The following THSD4 variants were observed in gnomAD, a reference collection of about 807,000 sequenced individuals.
The protein encoded by THSD4 is thrombospondin type-1 domain-containing protein 4.
A neutral mutation model predicts 119.0 loss-of-function variants in THSD4; 69 were observed. That is an observed-to-expected ratio of 0.58 (90% CI 0.48 to 0.71). THSD4 has a LOEUF of 0.71. THSD4 is among the 30% of genes least tolerant of loss of function. The pLI is 0.00. For missense variants in THSD4, 1,393 were observed against 1,391.1 expected (o/e 1.00, Z -0.02); for synonymous variants, 524 against 540.4 (o/e 0.97, Z 0.42).
chr15:71,552,200 G>A lies in THSD4; in HGVS notation c.1153-108330G>A, dbSNP rs573994351. 4.6e-5 allele frequency among the ~76,000 whole-genome samples: 7 copies of A among 152,288 alleles called. No individual in the cohort carries two copies. In the South Asian group the frequency reaches 6.2e-4, roughly 14 times the overall value. ...TGGCGGGAAATTTGTCAGTCAGCTCGATCCTGAGAACTGGAGTTTTTCTCT... is the reference window on the plus strand; with the variant it reads ...TGGCGGGAAATTTGTCAGTCAGCTCAATCCTGAGAACTGGAGTTTTTCTCT... On this transcript the variant is annotated intron_variant, in intron 7 of 17. Transcript: ENST00000261862.
chr15:71,367,382 T>C (rs867182101), intron 6 of THSD4, among the ~76,000 whole-genome samples: 1 of 152,242 alleles, frequency 6.6e-6, no homozygotes, highest in Admixed American at 6.5e-5. Flanking sequence ...CATGGTGGTG[T>C]GCTGCGCACA....
intron 6 of THSD4, among the ~76,000 whole-genome samples, chr15:71,287,071 G>A (rs1054325768): frequency 3.3e-5 from 5 of 152,056 alleles, no homozygotes; most frequent in African/African-American, 1.2e-4. Flanking sequence ...ACATTCCTAT[G>A]AGTAAACATA....
At chr15:71,370,218 C>A (rs2046025306) in intron 6 of THSD4, among the ~76,000 whole-genome samples, 1 of 151,968 alleles carries the variant, frequency 6.6e-6, no homozygotes, top group Non-Finnish European at 1.5e-5. Context: ...TTTTGTTGAT[C>A]TTTTCAAAAA....
rs1485377470 is a variant in THSD4, at chr15:71,781,606, G to A, written c.*4232G>A. 1 of 152,334 alleles carries A rather than the reference G, an allele frequency of 6.6e-6. No homozygotes were observed. The highest frequency in any genetic ancestry group is 2.4e-5 in the African/African-American group (1 of 41,438). 9.4% of individuals were successfully genotyped at this position (152,334 alleles called of 1,614,324 possible). ...ACCCTCAGGCTGGAGAAGGCACTAGGGCACAAGGAGAGCTCTCCTAGGACC... is the reference window on the plus strand; with the variant it reads ...ACCCTCAGGCTGGAGAAGGCACTAGAGCACAAGGAGAGCTCTCCTAGGACC... On this transcript the variant is annotated 3_prime_UTR_variant, in exon 18 of 18. Transcript: ENST00000261862.
chr15:71,335,468 T>C (rs1490780845), intron 6 of THSD4, among the ~76,000 whole-genome samples: 1 of 152,138 alleles, frequency 6.6e-6, no homozygotes, highest in African/African-American at 2.4e-5. Context: ...GAATGACAAA[T>C]ATATTTAATA....
intron 7 of THSD4, among the ~76,000 whole-genome samples, chr15:71,566,976 G>A (rs371168365): frequency 5.9e-5 from 9 of 152,176 alleles, no homozygotes; most frequent in African/African-American, 2.2e-4. Flanking sequence ...AACCAGAAGG[G>A]AGCAAGGGAC....
At chr15:71,601,194 C>T (rs2050003878) in intron 7 of THSD4, among the ~76,000 whole-genome samples, 1 of 152,220 alleles carries the variant, frequency 6.6e-6, no homozygotes, top group African/African-American at 2.4e-5. Flanking sequence ...GAGCAAGAGC[C>T]ATTACCATTC....
chr15:71,571,264 A>C (rs2140899889), intron 7 of THSD4, among the ~76,000 whole-genome samples: 1 of 151,876 alleles, frequency 6.6e-6, no homozygotes, highest in Non-Finnish European at 1.5e-5. Flanking sequence ...ACATGGACAC[A>C]TCTTGAATTC....
intron 8 of THSD4, among the ~76,000 whole-genome samples, chr15:71,663,907 A>G (rs960660362): frequency 3.9e-5 from 6 of 152,212 alleles, no homozygotes; most frequent in Non-Finnish European, 8.8e-5. Context: ...AGCTATTTGC[A>G]TAAGTTTGAT....
chr15:71,204,664 GGTCCAGTCCAGAGCTTCCCACGA>G (rs368585921), intron 3 of THSD4, among the ~76,000 whole-genome samples: 510 of 152,134 alleles, frequency 3.4e-3, no homozygotes, highest in African/African-American at 0.012. Context: ...CAGCCTGCAG[GGTCCAGTCCAGAGCTTCCCACGA>G]GTCCACCCTT....
intron 6 of THSD4, chr15:71,341,617 A>G: frequency 6.3e-7 from 1 of 1,591,532 alleles, no homozygotes; most frequent in East Asian, 2.2e-5. Context: ...TGGCCTGAGC[A>G]GTTTCACGAG....
At chr15:71,143,057 C>T (rs1031598741) in intron 2 of THSD4, among the ~76,000 whole-genome samples, 2 of 152,110 alleles carry the variant, frequency 1.3e-5, no homozygotes, top group African/African-American at 2.4e-5. Context: ...CATGGGCAGA[C>T]GTGTGCAGGC....
At position 71,608,602 on chromosome 15, in the gene THSD4, C is replaced by T. The variant is rs1024565265; in HGVS notation, c.1153-51928C>T. Among the ~76,000 whole-genome samples, 15 of 152,058 alleles carry T rather than the reference C, an allele frequency of 9.9e-5. 1 individual carries two copies. The highest frequency in any genetic ancestry group is 1.7e-4 in the African/African-American group (7 of 41,400). The stretch of plus-strand genomic sequence containing the variant: ...TGTCTTTAAATCTTTGGCCTTGTTT[C>T]GGATTATGCCTTTAGGATTGGTTTC... On this transcript the variant is annotated intron_variant, in intron 7 of 17. Transcript: ENST00000261862.
At position 71,115,885 on chromosome 15, in the gene THSD4, G is replaced by T. The variant is rs1384267362; in HGVS notation, c.-80+187G>T. On this transcript the variant is annotated intron_variant, in intron 1 of 17. Coordinates refer to ENST00000261862, the MANE Select transcript of THSD4 (RefSeq NM_024817.3). This position sits in a 1 kb window ranked among gnomAD's most constrained non-coding sequence, Gnocchi z 4.4. ...GGCTCGGGGAGCCAGCGCGCGCCTG[G>T]TCCGTGCGGACGGCTGCGCCTCCTT... Among the ~76,000 whole-genome samples, 1 of 152,032 alleles carries T rather than the reference G, an allele frequency of 6.6e-6. No individual in the cohort carries two copies. Among genetic ancestry groups the T allele is most frequent in the East Asian group, 1.9e-4 (1 of 5,164 alleles).
intron 7 of THSD4, among the ~76,000 whole-genome samples, chr15:71,423,153 A>T (rs1011656657): frequency 6.6e-6 from 1 of 151,082 alleles, no homozygotes; most frequent in African/African-American, 2.4e-5. Context: ...AAAATTAGGG[A>T]CTCCAAGAGC....
intron 7 of THSD4, among the ~76,000 whole-genome samples, chr15:71,470,260 G>A (rs72760694): frequency 0.2 from 29,707 of 152,050 alleles, 3,258 homozygotes; most frequent in South Asian, 0.37. Context: ...TTCAAGGGTT[G>A]TGGAAAAAAC....
chr15:71,321,455 G>C lies in THSD4; in HGVS notation c.1015+64740G>C, dbSNP rs569119359. On this transcript the variant is annotated intron_variant, in intron 6 of 17. Coordinates refer to ENST00000261862, the MANE Select transcript of THSD4 (RefSeq NM_024817.3). ...GGAGGCTGAGGCAGGAGAATCGCTTGAACCTAGGAGACAGAGGTTGCAGTG... is the reference window on the plus strand; with the variant it reads ...GGAGGCTGAGGCAGGAGAATCGCTTCAACCTAGGAGACAGAGGTTGCAGTG... Among the ~76,000 whole-genome samples the C allele has an allele frequency of 2.1e-4, 32 of 152,272 alleles. 1 individual carries two copies. The South Asian group carries it at 6.6e-3, about 32-fold the overall frequency.
At chr15:71,189,674 A>G (rs534597163) in intron 3 of THSD4, among the ~76,000 whole-genome samples, 5 of 151,998 alleles carry the variant, frequency 3.3e-5, no homozygotes, top group African/African-American at 1.2e-4. Context: ...CGTCTCAAAA[A>G]AAAAAAAATA....
rs145944414 is a variant in THSD4 at position 71,361,047 on chromosome 15, G to A, written c.1016-50640G>A. Among the ~76,000 whole-genome samples the A allele has an allele frequency of 7.1e-3, 1,084 of 152,290 alleles. 19 individuals carry two copies. The highest frequency in any genetic ancestry group is 6.2e-3 in the Non-Finnish European group (424 of 68,038). ...AGAGTTATCTAGGCAAAGAAAAGTG[G>A]ATAGAGTGTCCTGAAAGAAAAAGGA... On this transcript the variant is annotated intron_variant, in intron 6 of 17. Transcript: ENST00000261862.
Sources: allele counts gnomAD v4.1 joint callset (sites outside exome capture counted in the v4.1 genomes callset), GRCh38; gene constraint gnomAD v4.1.1; non-coding constraint Gnocchi (gnomAD v3.1); transcripts MANE v1.5; gene names NCBI Gene and HGNC (gene_info 2026-07-23, HGNC 2026-07-21).